Variants in NRG2 observed in about 807,000 individuals in gnomAD.
NRG2 encodes the protein pro-neuregulin-2, membrane-bound isoform.
Under a neutral mutation model 73.9 loss-of-function variants are expected in NRG2, and 27 were observed. That is an observed-to-expected ratio of 0.37 (90% confidence interval 0.27 to 0.50). The LOEUF is 0.50. NRG2 is among the 20% of genes least tolerant of loss of function. The probability of loss-of-function intolerance (pLI) is 0.96; values close to 1 mark genes in which losing one functional copy is unlikely to be tolerated. For missense variants in NRG2, 1,126 were observed against 1,210.1 expected (o/e 0.93, Z 1.03); for synonymous variants, 532 against 541.0 (o/e 0.98, Z 0.23).
chr5:140,033,437 C>T (rs541517525), intron 1 of NRG2, among the ~76,000 whole-genome samples: 27 of 152,338 alleles, frequency 1.8e-4, no homozygotes, highest in African/African-American at 6.0e-4. Flanking sequence ...TCTTAGTCCT[C>T]CCATTTGTGA....
At chr5:140,015,532 T>C (rs1250894217) in intron 1 of NRG2, among the ~76,000 whole-genome samples, 1 of 152,162 alleles carries the variant, frequency 6.6e-6, no homozygotes, top group African/African-American at 2.4e-5. Context: ...TGTTGGTTAA[T>C]TAAAAGAAAA....
At chr5:139,864,385 CT>C (rs954495131) in intron 5 of NRG2, among the ~76,000 whole-genome samples, 9,611 of 134,440 alleles carry the variant, frequency 0.071, 545 homozygotes, top group African/African-American at 0.21. Flanking sequence ...TCTTCTTCTT[CT>C]TTTTTTTTTT....
intron 4 of NRG2, chr5:139,871,021 T>G (rs1762811918): frequency 6.6e-6 from 1 of 152,346 alleles, no homozygotes; most frequent in African/African-American, 2.4e-5. Flanking sequence ...TCCTCCACCC[T>G]GACCTCCCCC....
At chr5:139,996,628 TTC>T (rs927489048) in intron 1 of NRG2, among the ~76,000 whole-genome samples, 2 of 152,076 alleles carry the variant, frequency 1.3e-5, no homozygotes, top group African/African-American at 2.4e-5. Flanking sequence ...CCAAAGTGCT[TTC>T]TCTCTCTCTC....
intron 1 of NRG2, among the ~76,000 whole-genome samples, chr5:140,041,351 A>G (rs1761902098): frequency 6.6e-6 from 1 of 152,236 alleles, no homozygotes; most frequent in Admixed American, 6.5e-5. Context: ...CCAGTGTGGG[A>G]CAATTTGATT....
chr5:139,862,831 T>G (rs1283317702), intron 5 of NRG2, among the ~76,000 whole-genome samples: 1 of 152,236 alleles, frequency 6.6e-6, no homozygotes, highest in Middle Eastern at 3.2e-3. Flanking sequence ...GACATAAAGA[T>G]GGACAAGCTT....
At chr5:139,989,077 A>T (rs550760842) in intron 1 of NRG2, among the ~76,000 whole-genome samples, 1 of 152,186 alleles carries the variant, frequency 6.6e-6, no homozygotes, top group East Asian at 1.9e-4. Flanking sequence ...GGAGCAAAAA[A>T]TATTGTAAAC....
chr5:139,901,778 A>G (rs377128088), intron 1 of NRG2, among the ~76,000 whole-genome samples: 1 of 152,130 alleles, frequency 6.6e-6, no homozygotes, highest in Admixed American at 6.5e-5. Flanking sequence ...AGCAGAGGAG[A>G]CTTTTTTTAA....
At chr5:139,940,688 A>G (rs897711504) in intron 1 of NRG2, among the ~76,000 whole-genome samples, 16 of 152,238 alleles carry the variant, frequency 1.1e-4, no homozygotes, top group African/African-American at 3.1e-4. Context: ...ACACATAGGT[A>G]TGTGCCATGT....
Position 139,869,845 on chromosome 5 carries a change from G to A in NRG2, c.1112+1876C>T, listed in dbSNP as rs1762720607. On this transcript the variant is annotated intron_variant, in intron 4 of 9. Transcript: ENST00000361474. The surrounding 1 kb of genome is among the most constrained non-coding windows in gnomAD (Gnocchi z 4.5). Reference sequence around the variant, plus strand: ...CAACCTTGCTGGCAGGGCCCTCCTGGAGCCCACATATCTCACCACTCCCTT... The same window carrying A: ...CAACCTTGCTGGCAGGGCCCTCCTGAAGCCCACATATCTCACCACTCCCTT... 1 of 152,496 alleles carries A rather than the reference G, an allele frequency of 6.6e-6. No homozygotes were observed. Among genetic ancestry groups the A allele is most frequent in the South Asian group, 2.1e-4 (1 of 4,842 alleles). The allele number at this position is 152,496 out of a possible 1,614,324, so 9.4% of individuals were successfully genotyped here. A position where few individuals can be genotyped will look rare whatever the true frequency, so the allele number is the denominator to read the frequency against.
chr5:139,997,221 A>C (rs2126610721), intron 1 of NRG2, among the ~76,000 whole-genome samples: 1 of 152,270 alleles, frequency 6.6e-6, no homozygotes, highest in East Asian at 1.9e-4. Flanking sequence ...AACTCCTCCA[A>C]TTTTAATTAA....
rs561824114 is a variant in NRG2 at position 140,019,332 on chromosome 5, G to A, written c.700+23038C>T. Among the ~76,000 whole-genome samples, 5 of 152,354 alleles carry A rather than the reference G, an allele frequency of 3.3e-5. No homozygotes were observed. The South Asian group carries it at 1.0e-3, about 32-fold the overall frequency. On this transcript the variant is annotated intron_variant, in intron 1 of 9. Coordinates refer to ENST00000361474, the MANE Select transcript of NRG2 (RefSeq NM_004883.3). ...CTCCATAACCCCAGAGTTGGGGACA[G>A]GGAAAGAAACCACAGAACCCTTCAA...
At chr5:139,952,829 G>A (rs986282951) in intron 1 of NRG2, among the ~76,000 whole-genome samples, 8 of 152,134 alleles carry the variant, frequency 5.3e-5, no homozygotes, top group Non-Finnish European at 1.0e-4. Context: ...CCAGCCTCTA[G>A]CAGAGGAGGC....
chr5:139,954,829 T>A lies in NRG2; in HGVS notation c.701-67318A>T, dbSNP rs1007205799. Among the ~76,000 whole-genome samples the A allele has an allele frequency of 2.0e-5, 3 of 152,244 alleles. No homozygotes were observed. Among genetic ancestry groups the A allele is most frequent in the Non-Finnish European group, 4.4e-5 (3 of 68,036 alleles). On this transcript the variant is annotated intron_variant, in intron 1 of 9. Coordinates refer to ENST00000361474, the MANE Select transcript of NRG2 (RefSeq NM_004883.3). This position sits in a 1 kb window ranked among gnomAD's most constrained non-coding sequence, Gnocchi z 5.0. ...CTACATCGTAGGGTTTTTGTAAGGA[T>A]AAATTAGAAAATGCTTGGAACAGAG...
At chr5:139,927,935 C>G (rs1372519916) in intron 1 of NRG2, among the ~76,000 whole-genome samples, 1 of 152,114 alleles carries the variant, frequency 6.6e-6, no homozygotes, top group African/African-American at 2.4e-5. Flanking sequence ...TACCTCCCCT[C>G]TGGGAGGTCA....
Position 139,954,876 on chromosome 5 carries a change from G to C in NRG2, c.701-67365C>G, listed in dbSNP as rs35420312. Reference sequence around the variant, plus strand: ...AGAGCCTGGCACACAGTAAACATTAGCTATTGGTGTTGTTATTATTGTTCT... The same window carrying C: ...AGAGCCTGGCACACAGTAAACATTACCTATTGGTGTTGTTATTATTGTTCT... On this transcript the variant is annotated intron_variant, in intron 1 of 9. Transcript: ENST00000361474. The surrounding 1 kb of genome is among the most constrained non-coding windows in gnomAD (Gnocchi z 5.0). Among the ~76,000 whole-genome samples, 1 of 151,610 alleles carries C rather than the reference G, an allele frequency of 6.6e-6. No homozygotes were observed. The highest frequency in any genetic ancestry group is 2.4e-5 in the African/African-American group (1 of 40,956).
chr5:139,847,646 C>CT lies in NRG2; in HGVS notation c.*270dup, dbSNP rs966824616. ...AGAGTCAAAAAATTGGCCCATCTCT[C>CT]TTTTTTTTTTGTTGTTTCTTTTTTT... On this transcript the variant is annotated 3_prime_UTR_variant, in exon 10 of 10. Transcript: ENST00000361474. 0.01 allele frequency: 2,815 copies of CT among 271,626 alleles called. No homozygotes were observed. The highest frequency in any genetic ancestry group is 0.021 in the Middle Eastern group (21 of 1,012). The allele number at this position is 271,626 out of a possible 1,614,324, so 16.8% of individuals were successfully genotyped here. A position where few individuals can be genotyped will look rare whatever the true frequency, so the allele number is the denominator to read the frequency against.
At position 139,904,524 on chromosome 5, in the gene NRG2, G is replaced by A. The variant is rs1486992593; in HGVS notation, c.701-17013C>T. Reference sequence around the variant, plus strand: ...TAGGCGGTCACACCCTCCGGGGGAGGGGAGCAGCGAGCCTTAACTCTTCCC... The same window carrying A: ...TAGGCGGTCACACCCTCCGGGGGAGAGGAGCAGCGAGCCTTAACTCTTCCC... On this transcript the variant is annotated intron_variant, in intron 1 of 9. Coordinates refer to ENST00000361474, the MANE Select transcript of NRG2 (RefSeq NM_004883.3). The surrounding 1 kb of genome is among the most constrained non-coding windows in gnomAD (Gnocchi z 6.0). 1.9e-6 allele frequency: 1 copy of A among 524,204 alleles called. No homozygotes were observed. The highest frequency in any genetic ancestry group is 3.3e-6 in the Non-Finnish European group (1 of 300,764). 32.5% of individuals were successfully genotyped at this position (524,204 alleles called of 1,614,324 possible).
In NRG2 at chr5:139,923,734, T is replaced by C. The variant is rs1751847171; in HGVS notation, c.701-36223A>G. On this transcript the variant is annotated intron_variant, in intron 1 of 9. Coordinates refer to ENST00000361474, the MANE Select transcript of NRG2 (RefSeq NM_004883.3). ...CTCACCCAAACCCAGAGTCCTAATT[T>C]TAATTCATAAGGCCTGACAAATGAG... is the stretch of plus-strand genomic sequence containing the variant. Among the ~76,000 whole-genome samples the C allele has an allele frequency of 1.3e-5, 2 of 152,136 alleles. 1 individual carries two copies. The highest frequency in any genetic ancestry group is 1.3e-4 in the Admixed American group (2 of 15,276).
Sources: allele counts gnomAD v4.1 joint callset (sites outside exome capture counted in the v4.1 genomes callset), GRCh38; gene constraint gnomAD v4.1.1; non-coding constraint Gnocchi (gnomAD v3.1); transcripts MANE v1.5; gene names NCBI Gene and HGNC (gene_info 2026-07-23, HGNC 2026-07-21).